GRAMD1B: variants seen among roughly 807,000 people sequenced by gnomAD.
GRAMD1B encodes GRAM domain containing 1B.
GRAMD1B carries 37 observed loss-of-function variants against 99.7 expected under a neutral mutation model. The observed-to-expected ratio is 0.37, with a 90% CI of 0.29 to 0.49. The LOEUF (loss-of-function observed/expected upper bound fraction) is 0.49. Ranked by LOEUF, GRAMD1B falls within the 20% of genes least tolerant of loss-of-function variation. The pLI is 0.98. For synonymous variants in GRAMD1B, 427 were observed against 387.6 expected (o/e 1.10, Z -1.19); for missense variants, 888 against 1,009.2 (o/e 0.88, Z 1.63).
intron 11 of GRAMD1B, chr11:123,608,026 CCT>C (rs1453515608): frequency 6.4e-6 from 1 of 157,302 alleles, no homozygotes; most frequent in Non-Finnish European, 1.4e-5. Flanking sequence ...GCTCTGTGTG[CCT>C]CTCATTCTGA....
intron 2 of GRAMD1B, among the ~76,000 whole-genome samples, chr11:123,572,815 G>A (rs1311285410): frequency 6.6e-6 from 1 of 150,962 alleles, no homozygotes; most frequent in Non-Finnish European, 1.5e-5. Flanking sequence ...GGTAGGCCCC[G>A]ATGGCTGGGG....
chr11:123,380,174 A>C (rs967577756), intron 1 of GRAMD1B, among the ~76,000 whole-genome samples: 3 of 152,182 alleles, frequency 2.0e-5, no homozygotes, highest in East Asian at 1.9e-4. Flanking sequence ...GAAACCTTCT[A>C]ATTTCGATGA....
chr11:123,483,611 T>A (rs1401154950), intron 2 of GRAMD1B, among the ~76,000 whole-genome samples: 2 of 152,124 alleles, frequency 1.3e-5, no homozygotes, highest in African/African-American at 2.4e-5. Flanking sequence ...TGCTCTCAAC[T>A]CCTGAGGTCA....
chr11:123,487,417 C>T (rs1317199839), intron 2 of GRAMD1B, among the ~76,000 whole-genome samples: 1 of 152,144 alleles, frequency 6.6e-6, no homozygotes, highest in African/African-American at 2.4e-5. Flanking sequence ...GAAAGCAAGG[C>T]ATGTTCGGGA....
chr11:123,613,475 G>A lies in GRAMD1B; in HGVS notation c.2044G>A (p.Glu682Lys). ...GATAGAGAGCGAGCTGGCCAAAACG[G>A]AGAGCACTTATTTGGCTGAGATGCA... ...RHLESELAKT[E>K]STYLAEMHRQ... Residue 682 changes from glutamate to lysine, a missense_variant, in exon 16 of 20, where the codon GAG becomes AAG. Coordinates refer to ENST00000635736, the MANE Select transcript of GRAMD1B (RefSeq NM_001387025.1). The A allele has an allele frequency of 6.2e-7, 1 of 1,611,688 alleles. No homozygotes were observed. Among genetic ancestry groups the A allele is most frequent in the Non-Finnish European group, 8.5e-7 (1 of 1,178,964 alleles).
chr11:123,417,201 C>T (rs11605916), intron 1 of GRAMD1B, among the ~76,000 whole-genome samples: 1,717 of 152,114 alleles, frequency 0.011, 25 homozygotes, highest in African/African-American at 0.037. Context: ...GGTGAAACCC[C>T]GTCTCTACTA....
At chr11:123,585,961 C>CCCTTT (rs1950028742) in intron 4 of GRAMD1B, among the ~76,000 whole-genome samples, 1 of 152,086 alleles carries the variant, frequency 6.6e-6, no homozygotes, top group Non-Finnish European at 1.5e-5. Flanking sequence ...CTGACTCCAC[C>CCCTTT]CCTTTCCTTT....
intron 1 of GRAMD1B, among the ~76,000 whole-genome samples, chr11:123,369,641 G>A (rs756160642): frequency 6.6e-6 from 1 of 152,162 alleles, no homozygotes; most frequent in Non-Finnish European, 1.5e-5. Flanking sequence ...GTTGGCCGAG[G>A]TGGGTGGATT....
chr11:123,370,751 T>A (rs1311668072), intron 1 of GRAMD1B, among the ~76,000 whole-genome samples: 1 of 152,138 alleles, frequency 6.6e-6, no homozygotes, highest in African/African-American at 2.4e-5. Context: ...GGAAACGTTT[T>A]TGAAGAGTCA....
chr11:123,599,399 G>A, intron 7 of GRAMD1B: 1 of 674,822 alleles, frequency 1.5e-6, no homozygotes, highest in Non-Finnish European at 2.8e-6. Context: ...TGACATCCAT[G>A]AGCCATTCCT....
chr11:123,608,739 T>C lies in GRAMD1B; in HGVS notation c.1594T>C (p.Tyr532His). 6.4e-7 allele frequency: 1 copy of C among 1,553,994 alleles called. No individual in the cohort carries two copies. The change falls in exon 12 of 20, where the codon TAT becomes CAT. Residue 532 changes from tyrosine (Y) to histidine (H), a missense_variant. Physicochemically the swap from Tyr to His is moderately conservative, Grantham distance 83. Transcript: ENST00000635736. ...CTTCAACTTCAGCGTGGACAAGCTC[T>C]ATGACCTCCTCTTCACCAACTCGCC... ...EVFNFSVDKL[Y>H]DLLFTNSPFQ...
At chr11:123,488,339 T>C (rs1938117656) in intron 2 of GRAMD1B, among the ~76,000 whole-genome samples, 1 of 151,978 alleles carries the variant, frequency 6.6e-6, no homozygotes, top group Non-Finnish European at 1.5e-5. Context: ...GTGTTCAGAG[T>C]TGAGTCCTAG....
At chr11:123,483,196 G>A (rs1410771571) in intron 2 of GRAMD1B, among the ~76,000 whole-genome samples, 2 of 152,120 alleles carry the variant, frequency 1.3e-5, no homozygotes, top group Non-Finnish European at 2.9e-5. Context: ...AGCTGTACTA[G>A]CTTGGATTTT....
chr11:123,415,501 C>CA (rs1035891748), intron 1 of GRAMD1B, among the ~76,000 whole-genome samples: 1 of 151,060 alleles, frequency 6.6e-6, no homozygotes, highest in Admixed American at 6.6e-5. Flanking sequence ...ACAGCAGAGC[C>CA]AGGGGGTGCT....
chr11:123,491,794 G>A (rs921114626), intron 2 of GRAMD1B: 1 of 398,846 alleles, frequency 2.5e-6, no homozygotes, highest in Admixed American at 4.4e-5. Flanking sequence ...TCCAGAGTGA[G>A]CCCCCAGCCC....
intron 1 of GRAMD1B, among the ~76,000 whole-genome samples, chr11:123,432,662 A>T (rs970767866): frequency 3.9e-5 from 6 of 152,218 alleles, no homozygotes; most frequent in African/African-American, 1.4e-4. Context: ...AAGTAGAGGA[A>T]GACTTCTTGA....
chr11:123,598,700 G>T, intron 7 of GRAMD1B: 1 of 968,380 alleles, frequency 1.0e-6, no homozygotes, highest in Non-Finnish European at 1.7e-6. Context: ...ACTCCTCCCA[G>T]GAGGAGAATG....
At chr11:123,363,908 G>A (rs775091612) in intron 1 of GRAMD1B, among the ~76,000 whole-genome samples, 2 of 152,156 alleles carry the variant, frequency 1.3e-5, no homozygotes, top group Non-Finnish European at 2.9e-5. Context: ...GCAATTAAAT[G>A]CATGCCCGTT....
chr11:123,499,133 T>C (rs1349157257), intron 2 of GRAMD1B, among the ~76,000 whole-genome samples: 1 of 152,094 alleles, frequency 6.6e-6, no homozygotes, highest in African/African-American at 2.4e-5. Context: ...TGTAACAGTA[T>C]TAAAAGGCAA....
Sources: gnomAD v4.1 joint callset for allele counts (sites outside exome capture counted in the v4.1 genomes callset) on GRCh38, gnomAD v4.1.1 for gene constraint, MANE v1.5 for transcripts, NCBI Gene and HGNC (gene_info 2026-07-23, HGNC 2026-07-21) for gene names.